The following RPS6KA2 variants were observed in gnomAD, a reference collection of about 807,000 sequenced individuals.
RPS6KA2 encodes ribosomal protein S6 kinase A2.
A neutral mutation model predicts 91.8 loss-of-function variants in RPS6KA2; 42 were observed. That is an observed-to-expected ratio of 0.46 (90% CI 0.36 to 0.59). RPS6KA2 has a LOEUF of 0.59. RPS6KA2 is among the 20% of genes least tolerant of loss of function. RPS6KA2 has a pLI of 0.00. For missense variants in RPS6KA2, 798 were observed against 978.5 expected (o/e 0.82, Z 2.46); for synonymous variants, 414 against 393.6 (o/e 1.05, Z -0.61).
intron 1 of RPS6KA2, among the ~76,000 whole-genome samples, chr6:166,579,835 T>C (rs1486193091): frequency 5.3e-5 from 8 of 152,226 alleles, no homozygotes; most frequent in African/African-American, 1.7e-4. Context: ...ACCTCTTAAA[T>C]AGTCCTCTTT....
At chr6:166,476,082 T>C (rs1471103610) in intron 10 of RPS6KA2, among the ~76,000 whole-genome samples, 1 of 152,112 alleles carries the variant, frequency 6.6e-6, no homozygotes, top group South Asian at 2.1e-4. Context: ...GGGCAGGCAC[T>C]CATCTCCTAT....
chr6:166,603,677 C>T lies in RPS6KA2; in HGVS notation c.99+23244G>A, dbSNP rs16899228. ...CATCGTGAACATGGCTGGCACATTCCGGGTGATCTAAGGCTCAAGTTAGAC... is the reference window on the plus strand; with the variant it reads ...CATCGTGAACATGGCTGGCACATTCTGGGTGATCTAAGGCTCAAGTTAGAC... On this transcript the variant is annotated intron_variant, in intron 1 of 20. Coordinates refer to ENST00000265678, the MANE Select transcript of RPS6KA2 (RefSeq NM_021135.6). The surrounding 1 kb of genome is among the most constrained non-coding windows in gnomAD (Gnocchi z 4.3). Among the ~76,000 whole-genome samples, 1,930 of 152,252 alleles carry T rather than the reference C, an allele frequency of 0.013. 33 individuals carry two copies. The highest frequency in any genetic ancestry group is 0.044 in the African/African-American group (1,820 of 41,534).
chr6:166,725,534 T>C (rs1309330981), intron 2 of RPS6KA2, among the ~76,000 whole-genome samples: 1 of 152,122 alleles, frequency 6.6e-6, no homozygotes, highest in African/African-American at 2.4e-5. Context: ...CTCCAGGCAG[T>C]CAGGGGGAGC....
chr6:166,561,877 C>A (rs144207276), intron 1 of RPS6KA2, among the ~76,000 whole-genome samples: 3 of 152,166 alleles, frequency 2.0e-5, no homozygotes, highest in African/African-American at 7.2e-5. Flanking sequence ...GGCTTTCATA[C>A]CAAACAGCAT....
chr6:166,728,423 A>T (rs1238801346), intron 2 of RPS6KA2, among the ~76,000 whole-genome samples: 1 of 152,162 alleles, frequency 6.6e-6, no homozygotes, highest in East Asian at 1.9e-4. Flanking sequence ...GGAGCGTTGC[A>T]GTGGATAAAA....
At chr6:166,483,794 C>T (rs113913064) in intron 10 of RPS6KA2, among the ~76,000 whole-genome samples, 41 of 152,298 alleles carry the variant, frequency 2.7e-4, no homozygotes, top group African/African-American at 8.7e-4. Context: ...CATAGGGTCC[C>T]GGGACAAGCC....
intron 19 of RPS6KA2, among the ~76,000 whole-genome samples, chr6:166,417,911 A>G (rs554214449): frequency 3.3e-5 from 5 of 151,598 alleles, no homozygotes; most frequent in African/African-American, 1.2e-4. Flanking sequence ...TTAGTACAAA[A>G]CTTTTTTGTA....
chr6:166,839,535 T>C (rs1189472870), intron 2 of RPS6KA2, among the ~76,000 whole-genome samples: 2 of 151,240 alleles, frequency 1.3e-5, no homozygotes, highest in African/African-American at 4.9e-5. Flanking sequence ...TGTATATTTA[T>C]CATTATTTTC....
At position 166,605,005 on chromosome 6, in the gene RPS6KA2, C is replaced by T. The variant is rs116868391; in HGVS notation, c.99+21916G>A. Among the ~76,000 whole-genome samples, 179 of 152,102 alleles carry T rather than the reference C, an allele frequency of 1.2e-3. 3 individuals carry two copies. In the East Asian group the frequency reaches 0.03, roughly 26 times the overall value. ...CCTATTTAAGTTTTAAAATATCATG[C>T]TTCCCACAGCTGGCCCCTCAGGCCC... On this transcript the variant is annotated intron_variant, in intron 1 of 20. Coordinates refer to ENST00000265678, the MANE Select transcript of RPS6KA2 (RefSeq NM_021135.6).
chr6:166,736,509 C>A (rs181193503), intron 2 of RPS6KA2, among the ~76,000 whole-genome samples: 1 of 152,166 alleles, frequency 6.6e-6, no homozygotes, highest in Non-Finnish European at 1.5e-5. Flanking sequence ...CTTTTGATTT[C>A]TCCAGTAAAA....
At chr6:166,551,126 A>T (rs576298866) in intron 1 of RPS6KA2, among the ~76,000 whole-genome samples, 51 of 151,596 alleles carry the variant, frequency 3.4e-4, no homozygotes, top group Non-Finnish European at 2.2e-4. Context: ...GAAGGGTTCA[A>T]TTTTTTTTTC....
intron 2 of RPS6KA2, among the ~76,000 whole-genome samples, chr6:166,667,620 C>T (rs1032448606): frequency 4.6e-5 from 7 of 152,198 alleles, no homozygotes; most frequent in Non-Finnish European, 1.0e-4. Context: ...ACTTTCTACA[C>T]CTGAGGACCA....
At chr6:166,469,441 T>G (rs79138219) in intron 11 of RPS6KA2, among the ~76,000 whole-genome samples, 411 of 151,864 alleles carry the variant, frequency 2.7e-3, no homozygotes, top group African/African-American at 9.3e-3. Flanking sequence ...AGGGTCCTGG[T>G]TGAGCAGCTT....
intron 2 of RPS6KA2, among the ~76,000 whole-genome samples, chr6:166,766,093 C>T (rs573759425): frequency 2.6e-5 from 4 of 152,256 alleles, no homozygotes; most frequent in South Asian, 2.1e-4. Context: ...ATCATGATGA[C>T]GTCTTTGGGG....
intron 1 of RPS6KA2, among the ~76,000 whole-genome samples, chr6:166,605,052 C>T (rs1039511865): frequency 2.6e-5 from 4 of 151,998 alleles, no homozygotes; most frequent in Admixed American, 1.3e-4. Context: ...GGCTTCACTG[C>T]GACCACGTGG....
chr6:166,591,484 G>A (rs1473286800), intron 1 of RPS6KA2, among the ~76,000 whole-genome samples: 1 of 152,200 alleles, frequency 6.6e-6, no homozygotes, highest in Non-Finnish European at 1.5e-5. Context: ...AGATCACAGA[G>A]GAGGCGAGTG....
At chr6:166,528,958 T>G (rs911192229) in intron 3 of RPS6KA2, among the ~76,000 whole-genome samples, 1 of 152,186 alleles carries the variant, frequency 6.6e-6, no homozygotes, top group African/African-American at 2.4e-5. Context: ...TAGGAACACT[T>G]TTACACTGTT....
At chr6:166,425,983 A>G (rs1254179732) in intron 16 of RPS6KA2, among the ~76,000 whole-genome samples, 1 of 151,264 alleles carries the variant, frequency 6.6e-6, no homozygotes, top group Non-Finnish European at 1.5e-5. Context: ...CTCCACCCCA[A>G]ATCAACAGAA....
rs567242696 is a variant in RPS6KA2, at chr6:166,411,796, ACAGAGCTCCATTTCTC to A, written c.*950_*965del. The A allele has an allele frequency of 8.5e-5, 13 of 152,488 alleles. No individual in the cohort carries two copies. In the East Asian group the frequency reaches 2.5e-3, roughly 29 times the overall value. 9.4% of individuals were successfully genotyped at this position (152,488 alleles called of 1,614,324 possible). A position where few individuals can be genotyped will look rare whatever the true frequency, so the allele number is the denominator to read the frequency against. On this transcript the variant is annotated 3_prime_UTR_variant, in exon 21 of 21. Coordinates refer to ENST00000265678, the MANE Select transcript of RPS6KA2 (RefSeq NM_021135.6). This position sits in a 1 kb window ranked among gnomAD's most constrained non-coding sequence, Gnocchi z 4.5. ...ACTGAGAAGGTTTGGGTGGGAAGCC[ACAGAGCTCCATTTCTC>A]CAATTCACAGTTTCTCCACAGACCA...
Sources: gnomAD v4.1 joint callset for allele counts (sites outside exome capture counted in the v4.1 genomes callset) on GRCh38, gnomAD v4.1.1 for gene constraint, Gnocchi (gnomAD v3.1) non-coding constraint, MANE v1.5 for transcripts, NCBI Gene and HGNC (gene_info 2026-07-23, HGNC 2026-07-21) for gene names.